PCDH9: variants seen among roughly 807,000 people sequenced by gnomAD.
PCDH9 encodes the protein protocadherin 9.
A neutral mutation model predicts 70.6 loss-of-function variants in PCDH9; 24 were observed. The ratio of observed to expected loss-of-function variants is 0.34; its 90% CI spans 0.25 to 0.48. The LOEUF (loss-of-function observed/expected upper bound fraction) is 0.48, where lower values mean the gene tolerates loss of function less well. Among genes scored for constraint, PCDH9 ranks in the 20% least tolerant of loss-of-function variants. PCDH9 has a pLI of 0.99. For missense variants in PCDH9, 1,281 were observed against 1,503.6 expected (o/e 0.85, Z 2.45); for synonymous variants, 562 against 558.5 (o/e 1.01, Z -0.09).
intron 3 of PCDH9, among the ~76,000 whole-genome samples, chr13:66,902,361 T>TAA (rs2082289855): frequency 6.6e-6 from 1 of 151,772 alleles, no homozygotes. Flanking sequence ...ATGTTTTATC[T>TAA]AAAAAGAAGT....
At chr13:66,505,143 C>T (rs1024065336) in intron 4 of PCDH9, among the ~76,000 whole-genome samples, 1 of 152,120 alleles carries the variant, frequency 6.6e-6, no homozygotes, top group Non-Finnish European at 1.5e-5. Flanking sequence ...TTAGATATTA[C>T]TTATTCTTCA....
chr13:66,627,774 C>A (rs1169316413), intron 4 of PCDH9, among the ~76,000 whole-genome samples: 1 of 152,280 alleles, frequency 6.6e-6, no homozygotes, highest in East Asian at 1.9e-4. Context: ...GTGTCTTTTT[C>A]CATGTGACTA....
chr13:67,062,685 TC>T (rs1048404371), intron 2 of PCDH9, among the ~76,000 whole-genome samples: 2 of 152,168 alleles, frequency 1.3e-5, no homozygotes, highest in Admixed American at 1.3e-4. Flanking sequence ...CAGATATATT[TC>T]ATACAGCAAT....
At chr13:66,470,210 A>G (rs1462562677) in intron 4 of PCDH9, among the ~76,000 whole-genome samples, 1 of 152,162 alleles carries the variant, frequency 6.6e-6, no homozygotes, top group African/African-American at 2.4e-5. Context: ...TGACATCTGT[A>G]GGTATATATA....
At chr13:66,325,378 G>C (rs1448894038) in intron 4 of PCDH9, among the ~76,000 whole-genome samples, 1 of 152,038 alleles carries the variant, frequency 6.6e-6, no homozygotes, top group Admixed American at 6.5e-5. Flanking sequence ...AGGCATTCAT[G>C]ATGTCTCTAG....
At chr13:67,142,553 T>C (rs756050120) in intron 2 of PCDH9, among the ~76,000 whole-genome samples, 6 of 152,172 alleles carry the variant, frequency 3.9e-5, no homozygotes, top group Non-Finnish European at 8.8e-5. Flanking sequence ...ATGTAGTATG[T>C]GCTCAATAGA....
At chr13:66,612,738 C>G (rs1342923462) in intron 4 of PCDH9, among the ~76,000 whole-genome samples, 1 of 152,046 alleles carries the variant, frequency 6.6e-6, no homozygotes, top group Non-Finnish European at 1.5e-5. Context: ...CCTGGCCTCT[C>G]CTTTTCCTGT....
At chr13:66,900,366 C>A (rs2082257417) in intron 3 of PCDH9, among the ~76,000 whole-genome samples, 1 of 151,778 alleles carries the variant, frequency 6.6e-6, no homozygotes, top group Non-Finnish European at 1.5e-5. Context: ...ATATTAAAAA[C>A]CCCTTATTTT....
chr13:67,130,106 A>G (rs2087075704), intron 2 of PCDH9, among the ~76,000 whole-genome samples: 3 of 152,128 alleles, frequency 2.0e-5, no homozygotes, highest in Admixed American at 2.0e-4. Flanking sequence ...ATAATGTAGA[A>G]AATTAAATAT....
At chr13:66,333,701 G>A (rs1955982378) in intron 4 of PCDH9, among the ~76,000 whole-genome samples, 1 of 152,132 alleles carries the variant, frequency 6.6e-6, no homozygotes, top group Non-Finnish European at 1.5e-5. Context: ...GAATAAGCAT[G>A]AAGAAAATAT....
intron 3 of PCDH9, among the ~76,000 whole-genome samples, chr13:66,834,867 C>T (rs571788234): frequency 6.6e-6 from 1 of 152,334 alleles, no homozygotes; most frequent in African/African-American, 2.4e-5. Context: ...GCTCCTCTTC[C>T]TAACCTGGAT....
intron 4 of PCDH9, among the ~76,000 whole-genome samples, chr13:66,571,135 C>T (rs2050730434): frequency 6.6e-6 from 1 of 151,798 alleles, no homozygotes; most frequent in Non-Finnish European, 1.5e-5. Flanking sequence ...TAGATGAGGC[C>T]TAATAACATT....
At chr13:67,087,219 T>C (rs914742731) in intron 2 of PCDH9, among the ~76,000 whole-genome samples, 23 of 152,002 alleles carry the variant, frequency 1.5e-4, no homozygotes, top group Non-Finnish European at 2.6e-4. Flanking sequence ...GTATAACACC[T>C]GGACAGCCTG....
At position 67,117,997 on chromosome 13, in the gene PCDH9, A is replaced by G. The variant is rs527330103; in HGVS notation, c.3036+107408T>C. ...CAAAACAGTGTAACATCGCTCCATAAATAAAAAATGACTTTAAAGTTTCAA... is the reference window on the plus strand; with the variant it reads ...CAAAACAGTGTAACATCGCTCCATAGATAAAAAATGACTTTAAAGTTTCAA... On this transcript the variant is annotated intron_variant, in intron 2 of 4. Transcript: ENST00000377865. Among the ~76,000 whole-genome samples, 4 of 152,278 alleles carry G rather than the reference A, an allele frequency of 2.6e-5. No individual in the cohort carries two copies. The South Asian group carries it at 8.3e-4, about 32-fold the overall frequency.
Position 66,447,442 on chromosome 13 carries a change from C to T in PCDH9, c.3341-142414G>A, listed in dbSNP as rs983614397. 6.6e-5 allele frequency among the ~76,000 whole-genome samples: 10 copies of T among 151,944 alleles called. No individual in the cohort carries two copies. In the East Asian group the frequency reaches 7.7e-4, roughly 12 times the overall value. On this transcript the variant is annotated intron_variant, in intron 4 of 4. Coordinates refer to ENST00000377865, the MANE Select transcript of PCDH9 (RefSeq NM_203487.3). Reference sequence around the variant, plus strand: ...ATGATACTATGTCAAAGGAATCTGCCCATATTAATGCATCTTCTCCCAAGA... The same window carrying T: ...ATGATACTATGTCAAAGGAATCTGCTCATATTAATGCATCTTCTCCCAAGA...
chr13:66,653,261 T>C (rs921228116), intron 3 of PCDH9, among the ~76,000 whole-genome samples: 2 of 152,138 alleles, frequency 1.3e-5, no homozygotes, highest in African/African-American at 2.4e-5. Flanking sequence ...ACTATCCATC[T>C]GACAAGGGCT....
intron 3 of PCDH9, among the ~76,000 whole-genome samples, chr13:66,848,728 A>T (rs2081256438): frequency 6.6e-6 from 1 of 152,052 alleles, no homozygotes. Flanking sequence ...TGAGAGCGAG[A>T]CCATCCTGGC....
chr13:66,481,920 A>G (rs750878684), intron 4 of PCDH9, among the ~76,000 whole-genome samples: 2 of 149,324 alleles, frequency 1.3e-5, no homozygotes, highest in Non-Finnish European at 3.0e-5. Context: ...AATAAAAATC[A>G]TAAGTCCAAA....
chr13:66,779,837 C>CTATATA (rs2079961726), intron 3 of PCDH9, among the ~76,000 whole-genome samples: 9 of 24,192 alleles, frequency 3.7e-4, no homozygotes, highest in South Asian at 9.0e-3. Flanking sequence ...CTCTCTCTCT[C>CTATATA]TCTCTCTCTC....
Sources: allele counts gnomAD v4.1 joint callset (sites outside exome capture counted in the v4.1 genomes callset), GRCh38; gene constraint gnomAD v4.1.1; transcripts MANE v1.5; gene names NCBI Gene and HGNC (gene_info 2026-07-23, HGNC 2026-07-21).